The following GEMIN8 variants were observed in gnomAD, a reference collection of about 807,000 sequenced individuals.
The protein encoded by GEMIN8 is gem-associated protein 8.
For synonymous variants in GEMIN8, 80 were observed against 78.5 expected, an observed-to-expected ratio of 1.02 and a Z score of -0.10; for missense variants, 185 against 205.9, an observed-to-expected ratio of 0.90 and a Z score of 0.62.
chrX:13,992,727 A>G, the GEMIN8 span, among the ~76,000 whole-genome samples: 10 of 111,832 alleles, frequency 8.9e-5, no homozygotes, highest in Non-Finnish European at 1.9e-4. Flanking sequence ...GATGACAGAA[A>G]GATAATAGGG....
the GEMIN8 span, among the ~76,000 whole-genome samples, chrX:13,992,590 T>C: frequency 3.6e-5 from 4 of 111,252 alleles, no homozygotes; most frequent in African/African-American, 1.3e-4. Flanking sequence ...TGCATTTCTA[T>C]TGAGCTCCCA....
chrX:14,020,264 A>G lies in GEMIN8; in HGVS notation c.286T>C (p.Ser96Pro), dbSNP rs1290108340. ...YPCSSSHFRRSGQHPRYSSRI... is the reference protein window; with the variant it reads ...YPCSSSHFRRPGQHPRYSSRI... ...CTGCTGTAACGTGGATGCTGCCCAG[A>G]TCTTCTGAAATGTGAAGAACTGCAG... Residue 96 changes from serine (S) to proline (P), a missense_variant, in exon 4 of 5, where the codon TCT becomes CCT. Coordinates refer to ENST00000680255, the MANE Select transcript of GEMIN8 (RefSeq NM_001042479.2). 2 of 1,210,915 alleles carry G rather than the reference A, an allele frequency of 1.7e-6. No individual in the cohort carries two copies. Among genetic ancestry groups the G allele is most frequent in the South Asian group, 3.5e-5 (2 of 56,951 alleles).
At chrX:14,018,589 A>G (rs897197947) in intron 4 of GEMIN8, among the ~76,000 whole-genome samples, 1 of 111,777 alleles carries the variant, frequency 8.9e-6, no homozygotes, top group Admixed American at 9.6e-5. Flanking sequence ...AATGCTTCTC[A>G]TTTGTTGTAT....
intron 2 of GEMIN8, among the ~76,000 whole-genome samples, chrX:14,022,515 TG>T (rs1346248565): frequency 8.9e-6 from 1 of 111,788 alleles, no homozygotes; most frequent in Non-Finnish European, 1.9e-5. Flanking sequence ...ACCCACCTGT[TG>T]TGATTTGCTG....
chrX:13,997,872 C>T, the GEMIN8 span, among the ~76,000 whole-genome samples: 1 of 97,234 alleles, frequency 1.0e-5, no homozygotes, highest in South Asian at 5.3e-4. Context: ...GCACTCCAGC[C>T]TGGGCGACAG....
downstream of GEMIN8, among the ~76,000 whole-genome samples, chrX:14,006,069 T>C (rs1342508518): frequency 9.4e-6 from 1 of 105,834 alleles, no homozygotes; most frequent in Non-Finnish European, 1.9e-5. Flanking sequence ...CACTCTGTCA[T>C]CCAGGCTGGA....
the GEMIN8 span, among the ~76,000 whole-genome samples, chrX:13,991,117 A>G: frequency 8.9e-6 from 1 of 112,374 alleles, no homozygotes; most frequent in African/African-American, 3.2e-5. Flanking sequence ...GGCTGTACTT[A>G]TTACAAACAA....
downstream of GEMIN8, among the ~76,000 whole-genome samples, chrX:14,004,961 C>T (rs1923091707): frequency 9.0e-6 from 1 of 111,682 alleles, no homozygotes; most frequent in Admixed American, 9.5e-5. Context: ...AGGTTGAACA[C>T]CTTTTCTGCA....
At chrX:14,028,522 A>T in intron 1 of GEMIN8, among the ~76,000 whole-genome samples, 1 of 112,048 alleles carries the variant, frequency 8.9e-6, no homozygotes, top group Non-Finnish European at 1.9e-5. Flanking sequence ...AAGTTGTTCA[A>T]AAAAAGTTCT....
At chrX:13,993,602 T>C in the GEMIN8 span, among the ~76,000 whole-genome samples, 1 of 108,616 alleles carries the variant, frequency 9.2e-6, no homozygotes, top group South Asian at 4.1e-4. Context: ...AAAAATTTTT[T>C]TTATAGAGAT....
At chrX:14,009,298 C>T (rs759309677) in intron 4 of GEMIN8, 129 bp from the exon 5 acceptor site, 494 of 641,830 alleles carry the variant, frequency 7.7e-4, no homozygotes, top group Admixed American at 2.1e-3. Flanking sequence ...CTTTCCCTTT[C>T]CAACTGTGAA....
chrX:14,026,215 G>A lies in GEMIN8; in HGVS notation c.-109C>T. On this transcript the variant is annotated 5_prime_UTR_variant, in exon 2 of 5. Coordinates refer to ENST00000680255, the MANE Select transcript of GEMIN8 (RefSeq NM_001042479.2). ...AACAGTAACTTTTCTCCAATGGGCT[G>A]GTGGAGCTGAAAGAAAAGAGATTGG... 1.3e-6 allele frequency: 1 copy of A among 750,305 alleles called. No homozygotes were observed. Among genetic ancestry groups the A allele is most frequent in the Non-Finnish European group, 1.6e-6 (1 of 635,336 alleles). The allele number at this position is 750,305 out of a possible 1,213,427, so 61.8% of individuals were successfully genotyped here.
At chrX:14,000,440 C>CA in the GEMIN8 span, among the ~76,000 whole-genome samples, 2 of 110,179 alleles carry the variant, frequency 1.8e-5, no homozygotes, top group Admixed American at 9.7e-5. Context: ...ACTAAAAACA[C>CA]AAAAAAATTA....
At chrX:13,989,630 G>A in the GEMIN8 span, among the ~76,000 whole-genome samples, 3 of 112,506 alleles carry the variant, frequency 2.7e-5, no homozygotes, top group African/African-American at 9.7e-5. Flanking sequence ...TTTGTACAGC[G>A]TTGTTAGGTG....
chrX:14,012,858 G>GGA (rs62960860), intron 4 of GEMIN8, among the ~76,000 whole-genome samples: 824 of 62,234 alleles, frequency 0.013, 2 homozygotes, highest in Non-Finnish European at 0.022. Flanking sequence ...GAGGGGCTAT[G>GGA]GGGGGGGGCA....
At chrX:14,012,743 A>G (rs1923642110) in intron 4 of GEMIN8, among the ~76,000 whole-genome samples, 1 of 111,425 alleles carries the variant, frequency 9.0e-6, no homozygotes, top group East Asian at 2.8e-4. Context: ...AGATGCTGTT[A>G]AAGAACAATA....
chrX:13,996,581 T>C, the GEMIN8 span, among the ~76,000 whole-genome samples: 1 of 111,061 alleles, frequency 9.0e-6, no homozygotes, highest in South Asian at 3.8e-4. Flanking sequence ...AAGATGAGAG[T>C]TGGGTGAGGG....
chrX:13,995,412 G>A, the GEMIN8 span, among the ~76,000 whole-genome samples: 10 of 111,961 alleles, frequency 8.9e-5, no homozygotes, highest in African/African-American at 3.2e-5. Flanking sequence ...CAGCAAGCTC[G>A]TATTATTACA....
At chrX:13,998,664 G>A in the GEMIN8 span, among the ~76,000 whole-genome samples, 2 of 111,393 alleles carry the variant, frequency 1.8e-5, no homozygotes, top group Admixed American at 1.9e-4. Flanking sequence ...ATGTTGCCCA[G>A]GCTGGTCTCA....
Sources: allele counts gnomAD v4.1 joint callset (sites outside exome capture counted in the v4.1 genomes callset), GRCh38; gene constraint gnomAD v4.1.1; transcripts MANE v1.5; gene names NCBI Gene and HGNC (gene_info 2026-07-23, HGNC 2026-07-21).